Variants in GLI3 observed in about 807,000 individuals in gnomAD.
GLI3 encodes transcription activator GLI3.
GLI3 carries 20 observed loss-of-function variants against 100.8 expected under a neutral mutation model. The ratio of observed to expected loss-of-function variants is 0.20; its 90% CI spans 0.14 to 0.29. The LOEUF (loss-of-function observed/expected upper bound fraction) is 0.29, where lower values mean the gene tolerates loss of function less well. GLI3 is among the 10% of genes least tolerant of loss of function. The pLI is 1.00. For synonymous variants in GLI3, 938 were observed against 860.5 expected (o/e 1.09, Z -1.58); for missense variants, 2,040 against 2,128.5 (o/e 0.96, Z 0.82).
intron 2 of GLI3, among the ~76,000 whole-genome samples, chr7:42,211,479 G>A (rs932156819): frequency 2.0e-5 from 3 of 152,116 alleles, no homozygotes; most frequent in South Asian, 2.1e-4. Flanking sequence ...ATGGACCAAC[G>A]TATGTTTTCT....
At chr7:42,015,382 C>T (rs1788730052) in intron 10 of GLI3, among the ~76,000 whole-genome samples, 1 of 152,098 alleles carries the variant, frequency 6.6e-6, no homozygotes, top group African/African-American at 2.4e-5. Flanking sequence ...GTTCTCTTCT[C>T]TTGCAACATT....
chr7:42,096,088 G>C (rs1268820284), intron 3 of GLI3, among the ~76,000 whole-genome samples: 1 of 152,134 alleles, frequency 6.6e-6, no homozygotes, highest in African/African-American at 2.4e-5. Context: ...GGGAGCTGAC[G>C]GGTGGAGAAG....
At position 42,151,536 on chromosome 7, in the gene GLI3, G is replaced by GAA. The variant is rs1786862458; in HGVS notation, c.125-3070_125-3069dup. 2.0e-5 allele frequency: 3 copies of GAA among 152,196 alleles called. No individual in the cohort carries two copies. The South Asian group carries it at 6.2e-4, about 31-fold the overall frequency. 9.4% of individuals were successfully genotyped at this position (152,196 alleles called of 1,614,324 possible). A position where few individuals can be genotyped will look rare whatever the true frequency, so the allele number is the denominator to read the frequency against. ...ACACTGTCCACCATGGCAACAGGCA[G>GAA]AAGTCTGCTGCAAAAATGTAAGCAA... is the stretch of plus-strand genomic sequence containing the variant. On this transcript the variant is annotated intron_variant, in intron 2 of 14. Coordinates refer to ENST00000395925, the MANE Select transcript of GLI3 (RefSeq NM_000168.6).
At chr7:42,020,770 G>A (rs1251382077) in intron 10 of GLI3, among the ~76,000 whole-genome samples, 3 of 151,918 alleles carry the variant, frequency 2.0e-5, no homozygotes, top group Non-Finnish European at 2.9e-5. Flanking sequence ...GGCGCCTGTA[G>A]TCCCAGCTAC....
At chr7:42,096,306 G>A (rs1785337022) in intron 3 of GLI3, among the ~76,000 whole-genome samples, 1 of 152,210 alleles carries the variant, frequency 6.6e-6, no homozygotes, top group Non-Finnish European at 1.5e-5. Flanking sequence ...CTAGAATCCA[G>A]AATAGGACGC....
chr7:42,251,569 A>G (rs182661483), intron 1 of GLI3, among the ~76,000 whole-genome samples: 5 of 152,208 alleles, frequency 3.3e-5, no homozygotes, highest in African/African-American at 1.2e-4. Context: ...ACACTAGGCT[A>G]AGGGAAGGAT....
At chr7:42,073,447 T>C (rs1784821800) in intron 4 of GLI3, among the ~76,000 whole-genome samples, 1 of 152,222 alleles carries the variant, frequency 6.6e-6, no homozygotes, top group African/African-American at 2.4e-5. Context: ...GCAGGTTAAT[T>C]TGTGATTTCC....
intron 3 of GLI3, among the ~76,000 whole-genome samples, chr7:42,092,805 A>G (rs944057227): frequency 1.4e-5 from 2 of 141,474 alleles, no homozygotes; most frequent in Non-Finnish European, 3.1e-5. Flanking sequence ...TTATTTATTT[A>G]TTTATTTATG....
Position 41,965,564 on chromosome 7 carries a change from G to C in GLI3, c.3509C>G (p.Ala1170Gly), listed in dbSNP as rs143942705. The change falls in exon 15 of 15, where the codon GCC (alanine) becomes GGC (glycine). Residue 1170 changes from alanine (A) to glycine (G), a missense_variant. Physicochemically the swap from Ala to Gly is moderately conservative, Grantham distance 60 (BLOSUM62 0). Around this residue, in one of 5 missense-constraint regions of GLI3, gnomAD observed 1,041 missense variants for 924.0 expected, o/e 1.13. Coordinates refer to ENST00000395925, the MANE Select transcript of GLI3 (RefSeq NM_000168.6). ...IQWNEVSSGS[A>G]DLSSSKLKCG... ...CTTGAGCTTGGAGGAGGACAGGTCG[G>C]CGCTTCCGGAGCTGACTTCGTTCCA... 123 of 1,605,172 alleles carry C rather than the reference G, an allele frequency of 7.7e-5. No individual in the cohort carries two copies. In the Admixed American group the frequency reaches 8.9e-4, roughly 12 times the overall value.
At chr7:42,108,589 C>T (rs10269139) in intron 3 of GLI3, among the ~76,000 whole-genome samples, 46,560 of 151,972 alleles carry the variant, frequency 0.31, 7,277 homozygotes, top group Middle Eastern at 0.41. Context: ...CACAGACACC[C>T]TGCCTCCCTC....
intron 4 of GLI3, among the ~76,000 whole-genome samples, chr7:42,067,063 TTAAA>T (rs1446592731): frequency 2.6e-5 from 4 of 152,136 alleles, no homozygotes; most frequent in African/African-American, 4.8e-5. Context: ...AATACTTACT[TTAAA>T]TAAATCAATA....
chr7:42,175,764 A>T (rs140721395), intron 2 of GLI3, among the ~76,000 whole-genome samples: 2,162 of 152,352 alleles, frequency 0.014, 28 homozygotes, highest in Non-Finnish European at 0.018. Flanking sequence ...GCATACCATG[A>T]TGTATAATAA....
intron 2 of GLI3, among the ~76,000 whole-genome samples, chr7:42,179,148 T>G (rs919570112): frequency 6.6e-6 from 1 of 151,914 alleles, no homozygotes; most frequent in Non-Finnish European, 1.5e-5. Flanking sequence ...TCTCACGAGA[T>G]CTGATGATTT....
rs555924770 is a variant in GLI3, at chr7:42,042,978, C to A, written c.826+2406G>T. On this transcript the variant is annotated intron_variant, in intron 6 of 14. Transcript: ENST00000395925. ...TCCTAACAAGCTACATATAAACACT[C>A]TGTCCTACATCTTGCTGAAACCTAG... Among the ~76,000 whole-genome samples, 12 of 152,182 alleles carry A rather than the reference C, an allele frequency of 7.9e-5. 1 individual carries two copies. Among genetic ancestry groups the A allele is most frequent in the Admixed American group, 7.9e-4 (12 of 15,278 alleles).
Position 41,965,897 on chromosome 7 carries a change from T to G in GLI3, c.3176A>C (p.Asn1059Thr). ...YTRPEGGQSRNFHSSPCPPSI... is the reference protein window; with the variant it reads ...YTRPEGGQSRTFHSSPCPPSI... ...GGGAGGACAGGGGGACGAGTGGAAG[T>G]TTCGGGACTGGCCGCCCTCGGGCCG... The change falls in exon 15 of 15, where the codon AAC becomes ACC. Residue 1059 changes from asparagine to threonine, a missense_variant. Transcript: ENST00000395925. The G allele has an allele frequency of 6.2e-7, 1 of 1,613,392 alleles. No homozygotes were observed. The highest frequency in any genetic ancestry group is 8.5e-7 in the Non-Finnish European group (1 of 1,179,840).
At chr7:42,084,288 A>T (rs1235181544) in intron 3 of GLI3, among the ~76,000 whole-genome samples, 1 of 152,212 alleles carries the variant, frequency 6.6e-6, no homozygotes, top group East Asian at 1.9e-4. Context: ...GAAAATGCCA[A>T]ATGTTCCTCT....
At chr7:42,137,182 A>G (rs1786449553) in intron 3 of GLI3, among the ~76,000 whole-genome samples, 1 of 152,122 alleles carries the variant, frequency 6.6e-6, no homozygotes, top group Non-Finnish European at 1.5e-5. Flanking sequence ...GCAGACAGAG[A>G]GCTTACTTTC....
chr7:42,242,562 C>T (rs1788935946), upstream of GLI3, among the ~76,000 whole-genome samples: 1 of 152,162 alleles, frequency 6.6e-6, no homozygotes, highest in Non-Finnish European at 1.5e-5. Context: ...TTACACTGTC[C>T]TTCTATTCAG....
rs1785131171 is a variant in GLI3 at position 42,087,702 on chromosome 7, C to G, written c.368-10845G>C. ...GAAATGACAGGGGCCCCTTTGCCCC[C>G]ACCACCACCTACTTTTTTTTTTTTT... On this transcript the variant is annotated intron_variant, in intron 3 of 14. Transcript: ENST00000395925. Among the ~76,000 whole-genome samples, 3 of 140,732 alleles carry G rather than the reference C, an allele frequency of 2.1e-5. No homozygotes were observed. In the Admixed American group the frequency reaches 2.3e-4, roughly 11 times the overall value. The allele number at this position is 140,732 out of a possible 152,430, so 92.3% of individuals were successfully genotyped here. A position where few individuals can be genotyped will look rare whatever the true frequency, so the allele number is the denominator to read the frequency against.
Sources: gnomAD v4.1 joint callset for allele counts (sites outside exome capture counted in the v4.1 genomes callset) on GRCh38, gnomAD v4.1.1 for gene constraint, gnomAD v4.1.1 regional missense constraint, MANE v1.5 for transcripts, NCBI Gene and HGNC (gene_info 2026-07-23, HGNC 2026-07-21) for gene names.